TNIP2: variants seen among roughly 807,000 people sequenced by gnomAD.
TNIP2 encodes the protein TNFAIP3-interacting protein 2.
A neutral mutation model predicts 43.7 loss-of-function variants in TNIP2; 30 were observed. The ratio of observed to expected loss-of-function variants is 0.69; its 90% CI spans 0.51 to 0.93. The LOEUF is 0.93. Ranked by LOEUF, TNIP2 falls within the 40% of genes least tolerant of loss-of-function variation. The probability of loss-of-function intolerance (pLI) is 0.00; values close to 1 mark genes in which losing one functional copy is unlikely to be tolerated. For synonymous variants in TNIP2, 260 were observed against 254.6 expected (o/e 1.02, Z -0.20); for missense variants, 599 against 591.0 (o/e 1.01, Z -0.14).
Position 2,744,759 on chromosome 4 carries a change from G to C in TNIP2, c.844C>G (p.Leu282Val), listed in dbSNP as rs1160187978. The C allele has an allele frequency of 1.2e-6, 2 of 1,610,042 alleles. No individual in the cohort carries two copies. The highest frequency in any genetic ancestry group is 1.3e-5 in the African/African-American group (1 of 75,076). ...INDCAEVKQE[L>V]AASRTARDAA... Reference sequence around the variant, plus strand: ...TCCCGGGCCGTCCTGGAGGCCGCCAGCTCCTGCTTCACTTCGGCACAGTCA... The same window carrying C: ...TCCCGGGCCGTCCTGGAGGCCGCCACCTCCTGCTTCACTTCGGCACAGTCA... Residue 282 changes from leucine to valine, a missense_variant, in exon 4 of 6, where the codon CTG (leucine) becomes GTG (valine). Physicochemically the swap from Leu to Val is conservative, Grantham distance 32 (BLOSUM62 1). Coordinates refer to ENST00000315423, the MANE Select transcript of TNIP2 (RefSeq NM_024309.4). This position sits in a 1 kb window ranked among gnomAD's most constrained non-coding sequence, Gnocchi z 5.1.
At chr4:2,755,361 G>A (rs1451002699) in intron 1 of TNIP2, among the ~76,000 whole-genome samples, 1 of 150,722 alleles carries the variant, frequency 6.6e-6, no homozygotes, top group Non-Finnish European at 1.5e-5. Flanking sequence ...ACCCCTAAGA[G>A]CCCACCTGAA....
intron 5 of TNIP2, 48 bp from the exon 6 acceptor site, chr4:2,742,568 C>G (rs772580993): frequency 4.2e-6 from 6 of 1,442,048 alleles, no homozygotes; most frequent in South Asian, 1.5e-5. Flanking sequence ...CTGACGGTCA[C>G]AAAGCCAGGT....
Position 2,744,923 on chromosome 4 carries a change from C to G in TNIP2, c.680G>C (p.Trp227Ser), listed in dbSNP as rs139555508. Residue 227 changes from tryptophan to serine, a missense_variant, in exon 4 of 6, where the codon TGG becomes TCG. By Grantham distance (177) the Trp-to-Ser change is radical. Coordinates refer to ENST00000315423, the MANE Select transcript of TNIP2 (RefSeq NM_024309.4). The surrounding 1 kb of genome is among the most constrained non-coding windows in gnomAD (Gnocchi z 5.1). ...GTCCCTGCTGGCGTTGTAGCGCTGC[C>G]ACTTGGCATTGAGGTCTTCAACCTG... is the stretch of plus-strand genomic sequence containing the variant. Reference protein sequence around the residue: ...VTHVEDLNAKWQRYNASRDEY... With the variant: ...VTHVEDLNAKSQRYNASRDEY... The G allele has an allele frequency of 6.2e-7, 1 of 1,608,224 alleles. No homozygotes were observed. The highest frequency in any genetic ancestry group is 1.3e-5 in the African/African-American group (1 of 74,952).
intron 2 of TNIP2, among the ~76,000 whole-genome samples, chr4:2,746,683 C>T (rs1252788057): frequency 6.6e-6 from 1 of 152,222 alleles, no homozygotes; most frequent in African/African-American, 2.4e-5. Flanking sequence ...TCTGCATGAA[C>T]CTTGGTGCTG....
At position 2,747,755 on chromosome 4, in the gene TNIP2, C is replaced by T; in HGVS notation, c.467G>A (p.Arg156Lys). The part of the protein sequence containing the change: ...SLANETHQLR[R>K]TLTATAHMCQ... ...CATGTGGGCGGTGGCGGTCAGCGTC[C>T]TCCGCAGCTGATGGGTCTCGTTGGC... Residue 156 changes from arginine (R) to lysine (K), a missense_variant, in exon 2 of 6, where the codon AGG (arginine) becomes AAG (lysine). Transcript: ENST00000315423. 7 of 1,610,396 alleles carry T rather than the reference C, an allele frequency of 4.3e-6. No homozygotes were observed. Among genetic ancestry groups the T allele is most frequent in the Middle Eastern group, 1.7e-4 (1 of 6,060 alleles).
At position 2,742,338 on chromosome 4, in the gene TNIP2, A is replaced by C; in HGVS notation, c.1209T>G (p.Leu403=). 1.9e-6 allele frequency: 3 copies of C among 1,575,092 alleles called. No individual in the cohort carries two copies. Among genetic ancestry groups the C allele is most frequent in the Non-Finnish European group, 2.6e-6 (3 of 1,158,228 alleles). ...AGCACTGCAGGCAGTGAGGGCACTG[A>C]AGGTCCCCCTGGCCTCTCTGGGCCG... ...PGAAQRGQGD[L]QCPHCLQCFS... is the part of the protein sequence containing the mutation. Residue 403 remains leucine (L), a synonymous_variant, in exon 6 of 6, where the codon CTT becomes CTG. Transcript: ENST00000315423.
chr4:2,745,308 A>C, intron 3 of TNIP2, 138 bp downstream of exon 3: 1 of 682,028 alleles, frequency 1.5e-6, no homozygotes, highest in South Asian at 1.8e-5. Context: ...AAAAAAGTCC[A>C]GTCTCTAGGG....
chr4:2,744,615 AG>A lies in TNIP2; in HGVS notation c.906+81del, dbSNP rs1356164392. On this transcript the variant is annotated intron_variant, in intron 4 of 5. Coordinates refer to ENST00000315423, the MANE Select transcript of TNIP2 (RefSeq NM_024309.4). This position sits in a 1 kb window ranked among gnomAD's most constrained non-coding sequence, Gnocchi z 5.1. ...GCCCACTCAGTGCCACCAAGCCTTC[AG>A]CCCAGCCTGTCCCATGATTTCGGCC... 4.4e-6 allele frequency: 7 copies of A among 1,589,370 alleles called. No individual in the cohort carries two copies. Among genetic ancestry groups the A allele is most frequent in the Non-Finnish European group, 6.0e-6 (7 of 1,170,506 alleles).
At chr4:2,743,814 G>T (rs1219937532) in intron 5 of TNIP2, among the ~76,000 whole-genome samples, 1 of 152,214 alleles carries the variant, frequency 6.6e-6, no homozygotes, top group East Asian at 1.9e-4. Context: ...CAGAGCACAA[G>T]TCAGTGAGGA....
intron 1 of TNIP2, among the ~76,000 whole-genome samples, chr4:2,748,639 T>C (rs1722019005): frequency 7.4e-6 from 1 of 135,016 alleles, no homozygotes; most frequent in South Asian, 2.1e-4. Context: ...ATTACAGGCG[T>C]GAGCCACCAC....
At chr4:2,755,240 A>G (rs929850621) in intron 1 of TNIP2, among the ~76,000 whole-genome samples, 3 of 151,820 alleles carry the variant, frequency 2.0e-5, no homozygotes, top group African/African-American at 7.3e-5. Context: ...CACACACCTC[A>G]AAACACCCCT....
Position 2,744,968 on chromosome 4 carries a change from C to A in TNIP2, c.658-23G>T. The A allele has an allele frequency of 6.3e-7, 1 of 1,588,496 alleles. No homozygotes were observed. The highest frequency in any genetic ancestry group is 8.6e-7 in the Non-Finnish European group (1 of 1,162,760). On this transcript the variant is annotated intron_variant, in intron 3 of 5. Transcript: ENST00000315423. This position sits in a 1 kb window ranked among gnomAD's most constrained non-coding sequence, Gnocchi z 5.1. ...AACCTGAAGAGGTGGAGCCGGAAAG[C>A]TCACGGTGAAGGCAGCTGACAAAGC...
Position 2,755,905 on chromosome 4 carries a change from A to G in TNIP2, c.276+109T>C, listed in dbSNP as rs1235040228. ...GGCCAACTCAACCCCAGGACCCAGT[A>G]CCCCCTCAACCCCTCAGGACCCGGG... On this transcript the variant is annotated intron_variant, in intron 1 of 5. Coordinates refer to ENST00000315423, the MANE Select transcript of TNIP2 (RefSeq NM_024309.4). 3.1e-6 allele frequency: 4 copies of G among 1,306,776 alleles called. No homozygotes were observed. In the African/African-American group the frequency reaches 5.1e-5, roughly 17 times the overall value. 80.9% of individuals were successfully genotyped at this position (1,306,776 alleles called of 1,614,324 possible).
rs150823075 is a variant in TNIP2 at position 2,744,755 on chromosome 4, G to A, written c.848C>T (p.Ala283Val). 19 of 1,609,122 alleles carry A rather than the reference G, an allele frequency of 1.2e-5. 1 individual carries two copies. The highest frequency in any genetic ancestry group is 9.3e-5 in the African/African-American group (7 of 74,944). The change falls in exon 4 of 6, where the codon GCG (alanine) becomes GTG (valine). Residue 283 changes from alanine to valine, a missense_variant. Physicochemically the swap from Ala to Val is moderately conservative, Grantham distance 64. Transcript: ENST00000315423. This position sits in a 1 kb window ranked among gnomAD's most constrained non-coding sequence, Gnocchi z 5.1. Reference protein sequence around the residue: ...NDCAEVKQELAASRTARDAAL... With the variant: ...NDCAEVKQELVASRTARDAAL... ...AGCATCCCGGGCCGTCCTGGAGGCC[G>A]CCAGCTCCTGCTTCACTTCGGCACA...
intron 1 of TNIP2, 60 bp from the exon 2 acceptor site, chr4:2,748,005 A>T (rs1347219670): frequency 6.4e-7 from 1 of 1,561,810 alleles, no homozygotes; most frequent in East Asian, 2.3e-5. Context: ...TCAAGAGCAA[A>T]TGTTCAGAAA....
Position 2,747,567 on chromosome 4 carries a change from G to T in TNIP2, c.567+88C>A, listed in dbSNP as rs546128655. ...TGAGAACAGAAGTGGGTTCTGGGGCGCCCCCCCACCTCTGTGATCAGGGGC... is the reference window on the plus strand; with the variant it reads ...TGAGAACAGAAGTGGGTTCTGGGGCTCCCCCCCACCTCTGTGATCAGGGGC... On this transcript the variant is annotated intron_variant, in intron 2 of 5. Coordinates refer to ENST00000315423, the MANE Select transcript of TNIP2 (RefSeq NM_024309.4). 8 of 1,400,170 alleles carry T rather than the reference G, an allele frequency of 5.7e-6. No homozygotes were observed. In the South Asian group the frequency reaches 1.0e-4, roughly 18 times the overall value. The allele number at this position is 1,400,170 out of a possible 1,614,324, so 86.7% of individuals were successfully genotyped here. A position where few individuals can be genotyped will look rare whatever the true frequency, so the allele number is the denominator to read the frequency against.
Position 2,742,321 on chromosome 4 carries a change from A to C in TNIP2, c.1226T>G (p.Leu409Arg), listed in dbSNP as rs1721812737. 1 of 1,557,478 alleles carries C rather than the reference A, an allele frequency of 6.4e-7. No homozygotes were observed. Among genetic ancestry groups the C allele is most frequent in the Non-Finnish European group, 8.7e-7 (1 of 1,149,294 alleles). Reference sequence around the variant, plus strand: ...CCCTTGCTCGTCACTGAAGCACTGCAGGCAGTGAGGGCACTGAAGGTCCCC... The same window carrying C: ...CCCTTGCTCGTCACTGAAGCACTGCCGGCAGTGAGGGCACTGAAGGTCCCC... Reference protein sequence around the residue: ...GQGDLQCPHCLQCFSDEQGEE... With the variant: ...GQGDLQCPHCRQCFSDEQGEE... The change falls in exon 6 of 6, where the codon CTG (leucine) becomes CGG (arginine). Residue 409 changes from leucine to arginine, a missense_variant. Physicochemically the swap from Leu to Arg is moderately radical, Grantham distance 102. Transcript: ENST00000315423.
intron 1 of TNIP2, among the ~76,000 whole-genome samples, chr4:2,751,318 C>T (rs1057305089): frequency 2.6e-5 from 4 of 152,238 alleles, no homozygotes; most frequent in Non-Finnish European, 5.9e-5. Flanking sequence ...GGGCTGACAT[C>T]TCTCAGGAAA....
chr4:2,754,520 C>T (rs1359388045), intron 1 of TNIP2, among the ~76,000 whole-genome samples: 1 of 152,296 alleles, frequency 6.6e-6, no homozygotes, highest in East Asian at 1.9e-4. Flanking sequence ...GGGTTCATGC[C>T]ATTCTCCTGC....
Sources: allele counts gnomAD v4.1 joint callset (sites outside exome capture counted in the v4.1 genomes callset), GRCh38; gene constraint gnomAD v4.1.1; non-coding constraint Gnocchi (gnomAD v3.1); transcripts MANE v1.5; gene names NCBI Gene and HGNC (gene_info 2026-07-23, HGNC 2026-07-21).